Variants in ELOVL6 observed in about 807,000 individuals in gnomAD.
The protein encoded by ELOVL6 is very long chain fatty acid elongase 6.
Under a neutral mutation model 31.7 loss-of-function variants are expected in ELOVL6, and 8 were observed. The observed-to-expected ratio is 0.25, with a 90% CI of 0.15 to 0.45. ELOVL6 has a LOEUF of 0.45. Ranked by LOEUF, ELOVL6 falls within the 20% of genes least tolerant of loss-of-function variation. ELOVL6 has a pLI of 1.00. For missense variants in ELOVL6, 126 were observed against 326.4 expected (o/e 0.39, Z 4.73); for synonymous variants, 101 against 117.7 (o/e 0.86, Z 0.92).
At chr4:110,196,160 G>T (rs1290385540) in intron 1 of ELOVL6, among the ~76,000 whole-genome samples, 2 of 152,170 alleles carry the variant, frequency 1.3e-5, no homozygotes, top group Non-Finnish European at 2.9e-5. Flanking sequence ...ACTGCAGTGG[G>T]CTAGGAATGG....
chr4:110,118,648 G>A (rs931969444), intron 1 of ELOVL6, among the ~76,000 whole-genome samples: 3 of 152,010 alleles, frequency 2.0e-5, no homozygotes, highest in South Asian at 4.2e-4. Context: ...ATCTGTTTAC[G>A]GGCACCTAGG....
chr4:110,050,108 T>C lies in ELOVL6; in HGVS notation c.*1230A>G, dbSNP rs1406923083. On this transcript the variant is annotated 3_prime_UTR_variant, in exon 4 of 4. Coordinates refer to ENST00000302274, the MANE Select transcript of ELOVL6 (RefSeq NM_024090.3). ...CAGCCAAACTTGCCTTGAAGTTTGT[T>C]GTAGTATTGCCACTCAGCCAGCAGA... 6.6e-6 allele frequency: 1 copy of C among 152,606 alleles called. No homozygotes were observed. The highest frequency in any genetic ancestry group is 1.9e-4 in the East Asian group (1 of 5,188). 9.5% of individuals were successfully genotyped at this position (152,606 alleles called of 1,614,324 possible). A position where few individuals can be genotyped will look rare whatever the true frequency, so the allele number is the denominator to read the frequency against.
chr4:110,167,580 T>G (rs1758812163), intron 1 of ELOVL6, among the ~76,000 whole-genome samples: 1 of 152,200 alleles, frequency 6.6e-6, no homozygotes, highest in Admixed American at 6.5e-5. Context: ...TTGCCCAGGC[T>G]GGAGTGCAGT....
chr4:110,113,446 A>G (rs1260675347), intron 1 of ELOVL6, among the ~76,000 whole-genome samples: 1 of 151,950 alleles, frequency 6.6e-6, no homozygotes, highest in African/African-American at 2.4e-5. Flanking sequence ...AGTCTGCTGT[A>G]GTGGTGCATG....
intron 1 of ELOVL6, among the ~76,000 whole-genome samples, chr4:110,123,176 A>C (rs1289381794): frequency 6.6e-6 from 1 of 152,238 alleles, no homozygotes; most frequent in African/African-American, 2.4e-5. Context: ...GGGAAAATAC[A>C]TTATTGAAGA....
intron 2 of ELOVL6, among the ~76,000 whole-genome samples, chr4:110,087,859 A>T (rs1756313855): frequency 6.6e-6 from 1 of 151,574 alleles, no homozygotes. Flanking sequence ...AAATACTTCC[A>T]ATCAAAGAGA....
At chr4:110,119,067 A>C (rs1757269141) in intron 1 of ELOVL6, among the ~76,000 whole-genome samples, 1 of 152,228 alleles carries the variant, frequency 6.6e-6, no homozygotes, top group Non-Finnish European at 1.5e-5. Flanking sequence ...CAAACAAATT[A>C]ATTAATTAAA....
rs1754688332 is a variant in ELOVL6 at position 110,045,894 on chromosome 4, C to T, written c.*5444G>A. ...GATTTTATTTTTAATTTTAATACACCAGGAAAAAATATTTTTTTTAATGTC... is the reference window on the plus strand; with the variant it reads ...GATTTTATTTTTAATTTTAATACACTAGGAAAAAATATTTTTTTTAATGTC... On this transcript the variant is annotated 3_prime_UTR_variant, in exon 4 of 4. Coordinates refer to ENST00000302274, the MANE Select transcript of ELOVL6 (RefSeq NM_024090.3). 1 of 151,882 alleles carries T rather than the reference C, an allele frequency of 6.6e-6. No individual in the cohort carries two copies. The highest frequency in any genetic ancestry group is 1.5e-5 in the Non-Finnish European group (1 of 67,974). 9.4% of individuals were successfully genotyped at this position (151,882 alleles called of 1,614,324 possible).
intron 2 of ELOVL6, among the ~76,000 whole-genome samples, chr4:110,084,531 TACACACACACACACAC>T (rs67665852): frequency 1.3e-4 from 9 of 70,372 alleles, no homozygotes; most frequent in East Asian, 5.2e-4. Context: ...TATATACACT[TACACACACACACACAC>T]ACACACACAC....
chr4:110,165,398 A>G (rs894812554), intron 1 of ELOVL6, among the ~76,000 whole-genome samples: 1 of 152,092 alleles, frequency 6.6e-6, no homozygotes, highest in African/African-American at 2.4e-5. Flanking sequence ...CAAGCTTCCA[A>G]TCGACCCTCA....
At chr4:110,056,129 G>GGT (rs1553953534) in intron 3 of ELOVL6, among the ~76,000 whole-genome samples, 1 of 143,138 alleles carries the variant, frequency 7.0e-6, no homozygotes, top group Non-Finnish European at 1.5e-5. Flanking sequence ...AGCTGGGGGG[G>GGT]GGGATACAGT....
intron 1 of ELOVL6, among the ~76,000 whole-genome samples, chr4:110,171,613 A>C (rs985188818): frequency 6.6e-6 from 1 of 150,562 alleles, no homozygotes; most frequent in Non-Finnish European, 1.5e-5. Context: ...AGGACGTGGA[A>C]GCTCCAAGCT....
chr4:110,067,132 A>G (rs1755329165), intron 2 of ELOVL6, among the ~76,000 whole-genome samples: 1 of 152,210 alleles, frequency 6.6e-6, no homozygotes, highest in Non-Finnish European at 1.5e-5. Flanking sequence ...ATCGGGGCAT[A>G]GGTTGTAATT....
chr4:110,047,991 T>C lies in ELOVL6; in HGVS notation c.*3347A>G, dbSNP rs1187324404. The C allele has an allele frequency of 6.6e-6, 1 of 151,286 alleles. No homozygotes were observed. The highest frequency in any genetic ancestry group is 2.0e-4 in the East Asian group (1 of 5,092). The allele number at this position is 151,286 out of a possible 1,614,324, so 9.4% of individuals were successfully genotyped here. ...CCATCAATTCTACAAAACCCACTCATATGAAGTTTCTAACTCAGTCTAGAC... is the reference window on the plus strand; with the variant it reads ...CCATCAATTCTACAAAACCCACTCACATGAAGTTTCTAACTCAGTCTAGAC... On this transcript the variant is annotated 3_prime_UTR_variant, in exon 4 of 4. Coordinates refer to ENST00000302274, the MANE Select transcript of ELOVL6 (RefSeq NM_024090.3).
chr4:110,123,672 G>A (rs1338735426), intron 1 of ELOVL6, among the ~76,000 whole-genome samples: 1 of 152,122 alleles, frequency 6.6e-6, no homozygotes, highest in Non-Finnish European at 1.5e-5. Flanking sequence ...GTATGGGAAT[G>A]AGCCATTCTG....
chr4:110,193,934 T>C (rs1248597194), intron 1 of ELOVL6, among the ~76,000 whole-genome samples: 3 of 152,174 alleles, frequency 2.0e-5, no homozygotes, highest in Admixed American at 2.0e-4. Context: ...GTTACAGCAG[T>C]CAGCACAGGC....
At chr4:110,070,789 A>C (rs1578453048) in intron 2 of ELOVL6, among the ~76,000 whole-genome samples, 1 of 152,116 alleles carries the variant, frequency 6.6e-6, no homozygotes, top group African/African-American at 2.4e-5. Flanking sequence ...CTGCTTCCCC[A>C]GTCGCCTCCA....
intron 1 of ELOVL6, among the ~76,000 whole-genome samples, chr4:110,120,547 T>C (rs1332527060): frequency 6.6e-6 from 1 of 152,132 alleles, no homozygotes; most frequent in Non-Finnish European, 1.5e-5. Flanking sequence ...ACACAAACAG[T>C]TGGGTCCTGA....
intron 1 of ELOVL6, among the ~76,000 whole-genome samples, chr4:110,174,191 T>TCTTA (rs1759034297): frequency 2.1e-5 from 3 of 140,848 alleles, no homozygotes; most frequent in Non-Finnish European, 3.0e-5. Flanking sequence ...TGAGACAGAG[T>TCTTA]CTTACTCTGT....
Sources: allele counts gnomAD v4.1 joint callset (sites outside exome capture counted in the v4.1 genomes callset), GRCh38; gene constraint gnomAD v4.1.1; transcripts MANE v1.5; gene names NCBI Gene and HGNC (gene_info 2026-07-23, HGNC 2026-07-21).